Variants in MIA2 observed in about 807,000 individuals in gnomAD.
MIA2 encodes melanoma inhibitory activity protein 2.
MIA2 carries 127 observed loss-of-function variants against 167.8 expected under a neutral mutation model. The observed-to-expected ratio is 0.76, with a 90% confidence interval of 0.66 to 0.88. The LOEUF is 0.88. MIA2 is among the 40% of genes least tolerant of loss of function. MIA2 has a pLI of 0.00. For missense variants in MIA2, 1,690 were observed against 1,624.7 expected (o/e 1.04, Z -0.69); for synonymous variants, 552 against 541.9 (o/e 1.02, Z -0.26).
intron 4 of MIA2, among the ~76,000 whole-genome samples, chr14:39,251,236 A>G (rs1051182014): frequency 1.3e-5 from 2 of 152,180 alleles, no homozygotes; most frequent in Non-Finnish European, 2.9e-5. Context: ...CAAAACGGGT[A>G]AACTAGGGAA....
At chr14:39,273,251 T>C (rs570764028) in intron 6 of MIA2, among the ~76,000 whole-genome samples, 26 of 151,370 alleles carry the variant, frequency 1.7e-4, no homozygotes, top group Middle Eastern at 3.4e-3. Context: ...TTTTTTTTTT[T>C]TCCTCATCTT....
intron 6 of MIA2, 136 bp downstream of exon 6, chr14:39,253,307 G>T: frequency 8.8e-7 from 1 of 1,137,284 alleles, no homozygotes; most frequent in Non-Finnish European, 1.3e-6. Context: ...CATCTTACCT[G>T]TAAGATTTCT....
chr14:39,385,513 A>G (rs535898194), intron 23 of MIA2: 65 of 848,592 alleles, frequency 7.7e-5, no homozygotes, highest in Non-Finnish European at 1.1e-4. Flanking sequence ...GTAGTCCACT[A>G]TCTCTGTTCC....
At chr14:39,318,166 T>A (rs1371894178) in intron 22 of MIA2, among the ~76,000 whole-genome samples, 155 bp downstream of exon 22, 2 of 152,218 alleles carry the variant, frequency 1.3e-5, no homozygotes, top group Admixed American at 6.5e-5. Context: ...GTTTGTTTTG[T>A]CTGTTGAAGT....
chr14:39,256,374 G>T (rs1021055184), intron 6 of MIA2, among the ~76,000 whole-genome samples: 1 of 152,058 alleles, frequency 6.6e-6, no homozygotes, highest in East Asian at 1.9e-4. Flanking sequence ...TTACATTTAG[G>T]TGAAAGGTTT....
Position 39,243,912 on chromosome 14 carries a change from A to G in MIA2, c.337-2999A>G, listed in dbSNP as rs543531994. On this transcript the variant is annotated intron_variant, in intron 3 of 28. Transcript: ENST00000640607. ...ATGAAGACCCGAAGATACAGAGGAA[A>G]CTGTCCATTTTTATGCTTAGCTTCA... Among the ~76,000 whole-genome samples, 8 of 152,320 alleles carry G rather than the reference A, an allele frequency of 5.3e-5. No homozygotes were observed. In the South Asian group the frequency reaches 6.2e-4, roughly 12 times the overall value.
intron 1 of MIA2, among the ~76,000 whole-genome samples, chr14:39,234,555 A>G (rs2053645763): frequency 6.6e-6 from 1 of 152,164 alleles, no homozygotes; most frequent in African/African-American, 2.4e-5. Flanking sequence ...ATTAAAAAAA[A>G]AAGATAAATC....
At chr14:39,313,485 G>C in intron 19 of MIA2, 44 bp downstream of exon 19, 1 of 1,148,246 alleles carries the variant, frequency 8.7e-7, no homozygotes. Flanking sequence ...AATGGGAAGA[G>C]TATCTAAAAA....
chr14:39,285,775 G>C (rs574750819), intron 9 of MIA2, among the ~76,000 whole-genome samples: 2 of 151,762 alleles, frequency 1.3e-5, no homozygotes, highest in African/African-American at 4.8e-5. Context: ...CGGGGCGGCT[G>C]CCGGGCGGAG....
intron 3 of MIA2, among the ~76,000 whole-genome samples, chr14:39,245,202 A>G (rs909109662): frequency 2.0e-5 from 3 of 151,162 alleles, no homozygotes; most frequent in Admixed American, 2.0e-4. Flanking sequence ...TGGCCTCCCA[A>G]AGTGCTGGAA....
At position 39,307,463 on chromosome 14, in the gene MIA2, G is replaced by A. The variant is rs1203315931; in HGVS notation, c.2879-986G>A. On this transcript the variant is annotated intron_variant, in intron 17 of 28. Transcript: ENST00000640607. ...GTCATCCAGGCTGGAGTGCAGTGGC[G>A]TGATCTTGGCTCACTGCACGCTCTG... 2.9e-5 allele frequency among the ~76,000 whole-genome samples: 4 copies of A among 139,438 alleles called. No homozygotes were observed. In the South Asian group the frequency reaches 6.7e-4, roughly 23 times the overall value. 91.5% of individuals were successfully genotyped at this position (139,438 alleles called of 152,430 possible).
rs1566746148 is a variant in MIA2 at position 39,288,444 on chromosome 14, TATATATATATATATATATATATA to T, written c.2131-2574_2131-2552del. Among the ~76,000 whole-genome samples, 13 of 9,790 alleles carry T rather than the reference TATATATATATATATATATATATA, an allele frequency of 1.3e-3. 1 individual carries two copies. The highest frequency in any genetic ancestry group is 3.0e-3 in the Non-Finnish European group (10 of 3,372). 6.4% of individuals were successfully genotyped at this position (9,790 alleles called of 152,430 possible). The stretch of plus-strand genomic sequence containing the variant: ...TGTATATATTATACATATATATATA[TATATATATATATATATATATATA>T]TATATATATTTTTTTTTTTTTTTTT... On this transcript the variant is annotated intron_variant, in intron 9 of 28. Coordinates refer to ENST00000640607, the MANE Select transcript of MIA2 (RefSeq NM_001329214.4).
At chr14:39,272,944 AG>A (rs1177825682) in intron 6 of MIA2, among the ~76,000 whole-genome samples, 1 of 152,144 alleles carries the variant, frequency 6.6e-6, no homozygotes, top group African/African-American at 2.4e-5. Flanking sequence ...TTTCATTTTC[AG>A]GTTGCTCATT....
At chr14:39,355,164 C>T (rs8022173), downstream of MIA2, among the ~76,000 whole-genome samples, 41,784 of 147,704 alleles carry the variant, frequency 0.28, 6,181 homozygotes, top group East Asian at 0.49. Flanking sequence ...GCCATTTTCA[C>T]GATATTGATT....
intron 23 of MIA2, among the ~76,000 whole-genome samples, chr14:39,368,740 T>C (rs1402635491): frequency 1.3e-5 from 2 of 151,782 alleles, no homozygotes; most frequent in South Asian, 2.1e-4. Flanking sequence ...CTTTCAACTT[T>C]TGTTCTGAAA....
intron 13 of MIA2, among the ~76,000 whole-genome samples, chr14:39,298,016 A>T (rs148269141): frequency 1.3e-5 from 2 of 151,458 alleles, no homozygotes; most frequent in African/African-American, 4.8e-5. Flanking sequence ...TTTTTGTCTC[A>T]TCTCCTATTT....
intron 9 of MIA2, among the ~76,000 whole-genome samples, chr14:39,288,853 G>A (rs1472405583): frequency 1.3e-5 from 2 of 152,040 alleles, no homozygotes; most frequent in Non-Finnish European, 2.9e-5. Context: ...ATTTCAATTT[G>A]CTGATATTTT....
At chr14:39,365,061 T>C (rs901136255) in intron 23 of MIA2, among the ~76,000 whole-genome samples, 3 of 150,020 alleles carry the variant, frequency 2.0e-5, no homozygotes, top group African/African-American at 7.6e-5. Context: ...TTTTAAATAA[T>C]TGGGGTTTTG....
At chr14:39,332,583 C>T (rs2069164853) in intron 25 of MIA2, among the ~76,000 whole-genome samples, 1 of 152,134 alleles carries the variant, frequency 6.6e-6, no homozygotes, top group Non-Finnish European at 1.5e-5. Flanking sequence ...GATTTATTTA[C>T]CATTGGTCTT....
Sources: gnomAD v4.1 joint callset for allele counts (sites outside exome capture counted in the v4.1 genomes callset) on GRCh38, gnomAD v4.1.1 for gene constraint, MANE v1.5 for transcripts, NCBI Gene and HGNC (gene_info 2026-07-23, HGNC 2026-07-21) for gene names.